Variants in FFAR4 observed in about 807,000 individuals in gnomAD.
FFAR4 encodes the protein free fatty acid receptor 4.
Under a neutral mutation model 27.0 loss-of-function variants are expected in FFAR4, and 19 were observed. That is an observed-to-expected ratio of 0.70 (90% CI 0.49 to 1.03). FFAR4 has a LOEUF of 1.03. FFAR4 is among the 50% of genes least tolerant of loss of function. FFAR4 has a pLI of 0.00. For missense variants in FFAR4, 476 were observed against 479.0 expected (o/e 0.99, Z 0.06); for synonymous variants, 254 against 215.6 (o/e 1.18, Z -1.56).
chr10:93,574,493 G>A (rs1289237910), intron 1 of FFAR4, among the ~76,000 whole-genome samples: 1 of 152,170 alleles, frequency 6.6e-6, no homozygotes, highest in Non-Finnish European at 1.5e-5. Flanking sequence ...CTTGGAATGA[G>A]GGGTCCATAG....
At chr10:93,571,844 C>T (rs76902156) in intron 1 of FFAR4, among the ~76,000 whole-genome samples, 2,759 of 152,188 alleles carry the variant, frequency 0.018, 46 homozygotes, top group Non-Finnish European at 0.029. Flanking sequence ...AGGTGAGACA[C>T]AGGAACAAGG....
chr10:93,581,097 C>T (rs2058194845), intron 2 of FFAR4, among the ~76,000 whole-genome samples: 1 of 152,168 alleles, frequency 6.6e-6, no homozygotes, highest in Non-Finnish European at 1.5e-5. Context: ...GGAAGAGCAG[C>T]GTGGGTGGAG....
At chr10:93,577,525 G>A (rs1326954461) in intron 2 of FFAR4, among the ~76,000 whole-genome samples, 1 of 152,192 alleles carries the variant, frequency 6.6e-6, no homozygotes, top group African/African-American at 2.4e-5. Flanking sequence ...CCCAGCCTGA[G>A]GCTTGTTCAA....
chr10:93,567,328 A>C, intron 1 of FFAR4, 41 bp downstream of exon 1: 1 of 1,559,790 alleles, frequency 6.4e-7, no homozygotes, highest in East Asian at 2.3e-5. Context: ...TGTCCTGCGC[A>C]GGCTGGGAAG....
In FFAR4 at chr10:93,576,146, A is replaced by G. The variant is rs761224621; in HGVS notation, c.623A>G (p.Asp208Gly). 6.2e-7 allele frequency: 1 copy of G among 1,613,972 alleles called. No homozygotes were observed. The highest frequency in any genetic ancestry group is 1.7e-5 in the Admixed American group (1 of 60,008). The change falls in exon 2 of 3, where the codon GAT becomes GGT. Residue 208 changes from aspartate to glycine, a missense_variant. Transcript: ENST00000371481. ...WPTIPGEISW[D>G]VSFVTLNFLV... ...ACCATTCCTGGAGAGATCTCGTGGG[A>G]TGTCTCTTTTGTTACTTTGAACTTC...
At chr10:93,585,678 G>A (rs1023213578) in intron 2 of FFAR4, among the ~76,000 whole-genome samples, 2 of 152,194 alleles carry the variant, frequency 1.3e-5, no homozygotes, top group Non-Finnish European at 2.9e-5. Flanking sequence ...CATATGAGGT[G>A]GTTGCCCCCT....
rs1425581552 is a variant in FFAR4, at chr10:93,587,729, G to A, written c.*120G>A. The A allele has an allele frequency of 1.1e-6, 1 of 940,936 alleles. No homozygotes were observed. The highest frequency in any genetic ancestry group is 1.6e-6 in the Non-Finnish European group (1 of 625,174). 58.3% of individuals were successfully genotyped at this position (940,936 alleles called of 1,614,324 possible). A position where few individuals can be genotyped will look rare whatever the true frequency, so the allele number is the denominator to read the frequency against. ...TTAAGAAAATGAACCTATGCAAATA[G>A]ACATCCACAGCGTCGGTAAATTAAG... On this transcript the variant is annotated 3_prime_UTR_variant, in exon 3 of 3. Transcript: ENST00000371481.
At chr10:93,585,449 G>A (rs559729925) in intron 2 of FFAR4, among the ~76,000 whole-genome samples, 1 of 152,284 alleles carries the variant, frequency 6.6e-6, no homozygotes, top group South Asian at 2.1e-4. Flanking sequence ...GCTGGGGCAG[G>A]GGCACCTTTA....
chr10:93,572,545 G>A (rs1158916889), intron 1 of FFAR4, among the ~76,000 whole-genome samples: 1 of 152,202 alleles, frequency 6.6e-6, no homozygotes, highest in African/African-American at 2.4e-5. Context: ...GTCTTGGTAA[G>A]GGTTGGGGGT....
rs1012659970 is a variant in FFAR4, at chr10:93,566,714, G to C, written c.-7G>C. On this transcript the variant is annotated 5_prime_UTR_variant, in exon 1 of 3. Coordinates refer to ENST00000371481, the MANE Select transcript of FFAR4 (RefSeq NM_001195755.2). ...CTCAGACCGCTGCGGGCCGCCAGGC[G>C]CCGGGAATGTCCCCTGAATGCGCGC... 3.8e-6 allele frequency: 6 copies of C among 1,565,478 alleles called. No individual in the cohort carries two copies. The highest frequency in any genetic ancestry group is 5.2e-6 in the Non-Finnish European group (6 of 1,160,736).
chr10:93,579,264 C>A, intron 2 of FFAR4: 1 of 1,393,734 alleles, frequency 7.2e-7, no homozygotes, highest in East Asian at 2.3e-5. Flanking sequence ...TACATTCCAT[C>A]ACCACCCTCA....
chr10:93,584,576 T>C (rs11187531), intron 2 of FFAR4, among the ~76,000 whole-genome samples: 15,745 of 152,270 alleles, frequency 0.1, 951 homozygotes, highest in African/African-American at 0.16. Flanking sequence ...TCTGTATGAC[T>C]ATGAGGCTGT....
At chr10:93,579,646 T>C (rs1194164724) in intron 2 of FFAR4, among the ~76,000 whole-genome samples, 1 of 152,254 alleles carries the variant, frequency 6.6e-6, no homozygotes, top group Non-Finnish European at 1.5e-5. Context: ...GTTTGTTCAC[T>C]GCTATATTCC....
At chr10:93,579,032 G>A in intron 2 of FFAR4, 2 of 793,320 alleles carry the variant, frequency 2.5e-6, no homozygotes, top group Non-Finnish European at 4.4e-6. Context: ...GGGTCCACCT[G>A]GAAAAATTCT....
intron 1 of FFAR4, among the ~76,000 whole-genome samples, chr10:93,569,901 A>C (rs1258439146): frequency 6.6e-6 from 1 of 151,936 alleles, no homozygotes; most frequent in Non-Finnish European, 1.5e-5. Context: ...TCTACTAAAA[A>C]TACAAAAATT....
At chr10:93,580,944 C>G (rs1472843777) in intron 2 of FFAR4, among the ~76,000 whole-genome samples, 2 of 152,236 alleles carry the variant, frequency 1.3e-5, no homozygotes, top group South Asian at 2.1e-4. Context: ...TAAGTGCCTT[C>G]GGATCAGGCT....
At chr10:93,571,579 C>T (rs1012420374) in intron 1 of FFAR4, among the ~76,000 whole-genome samples, 2 of 152,190 alleles carry the variant, frequency 1.3e-5, no homozygotes, top group Non-Finnish European at 2.9e-5. Flanking sequence ...CACTGCCCCA[C>T]CCTACCCTAA....
Position 93,578,802 on chromosome 10 carries a change from C to A in FFAR4, c.696+2583C>A, listed in dbSNP as rs571372625. Among the ~76,000 whole-genome samples the A allele has an allele frequency of 3.9e-5, 6 of 152,300 alleles. No homozygotes were observed. In the East Asian group the frequency reaches 1.2e-3, roughly 29 times the overall value. ...AGATTTGCAAGAGGATAAACAACAG[C>A]CCAGATTTGGAGCACATCAAGAACA... On this transcript the variant is annotated intron_variant, in intron 2 of 2. Coordinates refer to ENST00000371481, the MANE Select transcript of FFAR4 (RefSeq NM_001195755.2).
chr10:93,582,379 T>C (rs2058202663), intron 2 of FFAR4, among the ~76,000 whole-genome samples: 1 of 151,974 alleles, frequency 6.6e-6, no homozygotes, highest in Non-Finnish European at 1.5e-5. Flanking sequence ...ACCCCGTCTC[T>C]ACTAAAAATT....
Sources: gnomAD v4.1 joint callset for allele counts (sites outside exome capture counted in the v4.1 genomes callset) on GRCh38, gnomAD v4.1.1 for gene constraint, MANE v1.5 for transcripts, NCBI Gene and HGNC (gene_info 2026-07-23, HGNC 2026-07-21) for gene names.